The following PRDM14 variants were observed in gnomAD, a reference collection of about 807,000 sequenced individuals.
PRDM14 encodes PR domain zinc finger protein 14.
In PRDM14, 16 loss-of-function variants were observed where a neutral mutation model predicts 48.0. The ratio of observed to expected loss-of-function variants is 0.33; its 90% confidence interval spans 0.23 to 0.51. PRDM14 has a LOEUF of 0.51. PRDM14 is among the 20% of genes least tolerant of loss of function. The pLI, the probability that PRDM14 is intolerant of heterozygous loss-of-function variation, is 0.97. For missense variants in PRDM14, 566 were observed against 719.6 expected (o/e 0.79, Z 2.44); for synonymous variants, 264 against 276.6 (o/e 0.95, Z 0.45).
intron 5 of PRDM14, among the ~76,000 whole-genome samples, chr8:70,063,206 G>A (rs1284200491): frequency 2.0e-5 from 3 of 152,130 alleles, no homozygotes; most frequent in Non-Finnish European, 4.4e-5. Context: ...GGCCAAGGTG[G>A]GTGGATCACT....
chr8:70,066,108 GAC>G, intron 5 of PRDM14, 125 bp downstream of exon 5: 14 of 1,047,694 alleles, frequency 1.3e-5, no homozygotes, highest in Non-Finnish European at 1.8e-5. Context: ...CCTGGTTAGA[GAC>G]ACTCTCGGTT....
At chr8:70,055,135 C>T (rs1408535011) in intron 7 of PRDM14, among the ~76,000 whole-genome samples, 165 bp downstream of exon 7, 1 of 152,106 alleles carries the variant, frequency 6.6e-6, no homozygotes, top group African/African-American at 2.4e-5. Context: ...TATATTTGAC[C>T]ATCTTTAGCA....
intron 4 of PRDM14, among the ~76,000 whole-genome samples, chr8:70,067,475 G>C (rs1268323501): frequency 6.8e-6 from 1 of 147,604 alleles, no homozygotes; most frequent in Non-Finnish European, 1.5e-5. Context: ...CTGAGATCAC[G>C]CCACTGCACT....
At chr8:70,069,040 A>G (rs1805717959) in intron 2 of PRDM14, 121 bp downstream of exon 2, 3 of 746,066 alleles carry the variant, frequency 4.0e-6, no homozygotes, top group Non-Finnish European at 6.4e-6. Flanking sequence ...TCATGGAGGT[A>G]CTTCCCCCTT....
chr8:70,052,416 G>C, intron 7 of PRDM14, 112 bp from the exon 8 acceptor site: 1 of 798,246 alleles, frequency 1.3e-6, no homozygotes, highest in Non-Finnish European at 2.0e-6. Context: ...GACGAACCTT[G>C]GGTTTTAAGG....
rs772106473 is a variant in PRDM14, at chr8:70,069,810, G to A, written c.51C>T (p.Tyr17=). 6.2e-7 allele frequency: 1 copy of A among 1,609,874 alleles called. No individual in the cohort carries two copies. The change falls in exon 2 of 8, where the codon TAC becomes TAT. Residue 17 remains tyrosine (Y), a synonymous_variant. Transcript: ENST00000276594. ...SEAVPQDKVC[Y]PPESSPQNLA... is the part of the protein sequence containing the mutation. ...GGTTCTGCGGGCTGCTCTCCGGCGG[G>A]TAGCACACCTTGTCCTGAGGCACGG...
intron 4 of PRDM14, among the ~76,000 whole-genome samples, chr8:70,066,880 C>T (rs1563442353): frequency 6.6e-6 from 1 of 152,002 alleles, no homozygotes; most frequent in Non-Finnish European, 1.5e-5. Context: ...CATGCACCAT[C>T]ACGCCTGGCA....
At chr8:70,053,634 C>T (rs983315352) in intron 7 of PRDM14, among the ~76,000 whole-genome samples, 4 of 152,180 alleles carry the variant, frequency 2.6e-5, no homozygotes, top group African/African-American at 9.7e-5. Context: ...GGTTGATCCA[C>T]CCACCTTGGC....
At chr8:70,069,923 AG>A (rs1223722692) in intron 1 of PRDM14, 39 bp from the exon 2 acceptor site, 4 of 1,333,858 alleles carry the variant, frequency 3.0e-6, no homozygotes, top group East Asian at 2.5e-5. Flanking sequence ...ACCGCGCGGG[AG>A]CTTCCCGGGG....
Position 70,069,925 on chromosome 8 carries a change from C to G in PRDM14, c.-24-41G>C, listed in dbSNP as rs1048183182. 9.9e-6 allele frequency: 13 copies of G among 1,306,540 alleles called. No homozygotes were observed. The African/African-American group carries it at 1.0e-4, about 10-fold the overall frequency. 80.9% of individuals were successfully genotyped at this position (1,306,540 alleles called of 1,614,324 possible). A position where few individuals can be genotyped will look rare whatever the true frequency, so the allele number is the denominator to read the frequency against. Reference sequence around the variant, plus strand: ...CGCCGCTGAGGACACCGCGCGGGAGCTTCCCGGGGTCCGACCCGCGCCTCC... The same window carrying G: ...CGCCGCTGAGGACACCGCGCGGGAGGTTCCCGGGGTCCGACCCGCGCCTCC... On this transcript the variant is annotated intron_variant, in intron 1 of 7. Coordinates refer to ENST00000276594, the MANE Select transcript of PRDM14 (RefSeq NM_024504.4).
chr8:70,054,515 A>AT lies in PRDM14; in HGVS notation c.1488+784dup, dbSNP rs561179179. Among the ~76,000 whole-genome samples the AT allele has an allele frequency of 6.1e-3, 697 of 114,980 alleles. 4 individuals carry two copies. Among genetic ancestry groups the AT allele is most frequent in the Middle Eastern group, 0.037 (8 of 214 alleles). 75.4% of individuals were successfully genotyped at this position (114,980 alleles called of 152,430 possible). ...TGTTCTTAAATACTATGAAATAGTG[A>AT]TTTTTTTTTTTTTTTTTTTTTGGAG... On this transcript the variant is annotated intron_variant, in intron 7 of 7. Coordinates refer to ENST00000276594, the MANE Select transcript of PRDM14 (RefSeq NM_024504.4).
chr8:70,066,558 T>C (rs550714778), intron 4 of PRDM14, 53 bp from the exon 5 acceptor site: 2 of 1,457,672 alleles, frequency 1.4e-6, no homozygotes, highest in African/African-American at 2.8e-5. Context: ...TGGTCTAATC[T>C]ATAAAATAAA....
Position 70,051,857 on chromosome 8 carries a change from C to T in PRDM14, c.*220G>A, listed in dbSNP as rs111615269. The T allele has an allele frequency of 0.016, 7,389 of 473,302 alleles. 95 individuals carry two copies. The highest frequency in any genetic ancestry group is 0.022 in the Non-Finnish European group (5,826 of 262,814). The allele number at this position is 473,302 out of a possible 1,614,324, so 29.3% of individuals were successfully genotyped here. A position where few individuals can be genotyped will look rare whatever the true frequency, so the allele number is the denominator to read the frequency against. On this transcript the variant is annotated 3_prime_UTR_variant, in exon 8 of 8. Transcript: ENST00000276594. The stretch of plus-strand genomic sequence containing the variant: ...GGCGATCTCAGCTCACAGCAACCTC[C>T]GTCTCCTGTGCTCAAACCATCCTGC...
intron 7 of PRDM14, 36 bp downstream of exon 7, chr8:70,055,264 C>A: frequency 8.2e-7 from 1 of 1,217,702 alleles, no homozygotes; most frequent in Non-Finnish European, 1.2e-6. Flanking sequence ...TCAAGCAGAG[C>A]TCAGGACACA....
intron 1 of PRDM14, among the ~76,000 whole-genome samples, chr8:70,070,830 C>T (rs2131045107): frequency 6.6e-6 from 1 of 152,298 alleles, no homozygotes; most frequent in South Asian, 2.1e-4. Flanking sequence ...AGAATGAAGC[C>T]CCTTCAGGGC....
At position 70,052,059 on chromosome 8, in the gene PRDM14, T is replaced by A. The variant is rs747569955; in HGVS notation, c.*18A>T. 2 of 1,547,212 alleles carry A rather than the reference T, an allele frequency of 1.3e-6. No individual in the cohort carries two copies. Among genetic ancestry groups the A allele is most frequent in the Non-Finnish European group, 1.8e-6 (2 of 1,131,450 alleles). ...AAAGTGCTGGGATTACAGGCGTGAG[T>A]CATTGTGCCTGGCAGGGCTAGTAGT... is the stretch of plus-strand genomic sequence containing the variant. On this transcript the variant is annotated 3_prime_UTR_variant, in exon 8 of 8. Transcript: ENST00000276594.
intron 2 of PRDM14, 85 bp downstream of exon 2, chr8:70,069,076 C>G: frequency 9.0e-7 from 1 of 1,107,236 alleles, no homozygotes; most frequent in Non-Finnish European, 1.3e-6. Flanking sequence ...CTCAGCTCCA[C>G]CTGGAAGCGC....
intron 6 of PRDM14, among the ~76,000 whole-genome samples, chr8:70,056,565 T>C (rs1805475581): frequency 6.6e-6 from 1 of 151,938 alleles, no homozygotes; most frequent in African/African-American, 2.4e-5. Context: ...CACCGCAACC[T>C]CTGCCTCCTG....
intron 1 of PRDM14, among the ~76,000 whole-genome samples, chr8:70,070,691 C>T (rs1182100204): frequency 6.6e-6 from 1 of 152,060 alleles, no homozygotes; most frequent in Admixed American, 6.5e-5. Flanking sequence ...GGTAGCCCCT[C>T]GGGAGCCGCG....
Sources: gnomAD v4.1 joint callset for allele counts (sites outside exome capture counted in the v4.1 genomes callset) on GRCh38, gnomAD v4.1.1 for gene constraint, MANE v1.5 for transcripts, NCBI Gene and HGNC (gene_info 2026-07-23, HGNC 2026-07-21) for gene names.